Variants in IDE observed in about 807,000 individuals in gnomAD.
IDE encodes the protein insulin degrading enzyme.
A neutral mutation model predicts 133.2 loss-of-function variants in IDE; 58 were observed. The ratio of observed to expected loss-of-function variants is 0.44; its 90% CI spans 0.35 to 0.54. IDE has a LOEUF of 0.54. Among genes scored for constraint, IDE ranks in the 20% least tolerant of loss-of-function variants. The probability of loss-of-function intolerance (pLI) is 0.00; values close to 1 mark genes in which losing one functional copy is unlikely to be tolerated. For synonymous variants in IDE, 396 were observed against 421.3 expected (o/e 0.94, Z 0.73); for missense variants, 981 against 1,234.0 (o/e 0.79, Z 3.07).
At chr10:92,471,779 A>G (rs1378610402) in intron 17 of IDE, among the ~76,000 whole-genome samples, 1 of 152,034 alleles carries the variant, frequency 6.6e-6, no homozygotes, top group Non-Finnish European at 1.5e-5. Flanking sequence ...CAGTGGTGCA[A>G]CCTCCGCCTC....
chr10:92,458,507 T>TG (rs1434320375), intron 22 of IDE, among the ~76,000 whole-genome samples: 2 of 111,456 alleles, frequency 1.8e-5, no homozygotes, highest in African/African-American at 2.9e-5. Context: ...TTTTTTTTTT[T>TG]TTTTTTTTTT....
chr10:92,556,906 G>C (rs1483309550), intron 1 of IDE, among the ~76,000 whole-genome samples: 1 of 141,896 alleles, frequency 7.0e-6, no homozygotes, highest in Non-Finnish European at 1.5e-5. Context: ...CTGGGCTACA[G>C]AGTGAGACTC....
chr10:92,504,996 T>C lies in IDE; in HGVS notation c.1327-99A>G, dbSNP rs189432057. On this transcript the variant is annotated intron_variant, in intron 10 of 24. Coordinates refer to ENST00000265986, the MANE Select transcript of IDE (RefSeq NM_004969.4). ...ACATTAAATTCATTACTGTACACCC[T>C]TTCTCTCTTCAGTTAAATTTTACTC... 179 of 591,078 alleles carry C rather than the reference T, an allele frequency of 3.0e-4. No homozygotes were observed. In the East Asian group the frequency reaches 4.6e-3, roughly 15 times the overall value. 36.6% of individuals were successfully genotyped at this position (591,078 alleles called of 1,614,324 possible). A position where few individuals can be genotyped will look rare whatever the true frequency, so the allele number is the denominator to read the frequency against.
intron 17 of IDE, among the ~76,000 whole-genome samples, chr10:92,472,411 T>C (rs1846013442): frequency 6.6e-6 from 1 of 152,210 alleles, no homozygotes; most frequent in African/African-American, 2.4e-5. Flanking sequence ...TAATTGCATA[T>C]GACCATAATC....
chr10:92,509,212 G>A (rs1282759168), intron 6 of IDE, among the ~76,000 whole-genome samples: 1 of 152,230 alleles, frequency 6.6e-6, no homozygotes, highest in Non-Finnish European at 1.5e-5. Context: ...CTTTTAGCAT[G>A]TAAAGACCAG....
chr10:92,478,731 A>G (rs1370520700), intron 15 of IDE: 1 of 1,282,234 alleles, frequency 7.8e-7, no homozygotes, highest in African/African-American at 1.5e-5. Context: ...TCATCCTTCA[A>G]TAACCTGATA....
chr10:92,506,484 CTCTT>C lies in IDE; in HGVS notation c.1280_1283del (p.Lys427ArgfsTer19). ...TCTTAGATGTATAGCCCCGTGGCCT[CTCTT>C]TGTCTTTAAACCTAAAAGCAACAGC... On this transcript the variant is annotated frameshift_variant, in exon 10 of 25. Coordinates refer to ENST00000265986, the MANE Select transcript of IDE (RefSeq NM_004969.4). LOFTEE classifies it high-confidence loss of function. 6.3e-7 allele frequency: 1 copy of C among 1,598,204 alleles called. No homozygotes were observed.
rs772558670 is a variant in IDE, at chr10:92,510,107, G to A, written c.840C>T (p.Asn280=). Residue 280 remains asparagine, a synonymous_variant, in exon 6 of 25, where the codon AAC becomes AAT. Coordinates refer to ENST00000265986, the MANE Select transcript of IDE (RefSeq NM_004969.4). ...LVVKLFSEVE[N]KNVPLPEFPE... Reference sequence around the variant, plus strand: ...GAAATTCTGGCAATGGAACATTTTTGTTCTCTACTTCAGAAAATAACTTTA... The same window carrying A: ...GAAATTCTGGCAATGGAACATTTTTATTCTCTACTTCAGAAAATAACTTTA... The A allele has an allele frequency of 1.9e-6, 3 of 1,606,030 alleles. No individual in the cohort carries two copies. Among genetic ancestry groups the A allele is most frequent in the Admixed American group, 3.4e-5 (2 of 59,544 alleles).
chr10:92,475,539 G>A (rs1273493216), intron 16 of IDE, among the ~76,000 whole-genome samples: 1 of 152,128 alleles, frequency 6.6e-6, no homozygotes, highest in Non-Finnish European at 1.5e-5. Flanking sequence ...GCAGACCTCA[G>A]TCTGCTGAAT....
intron 1 of IDE, among the ~76,000 whole-genome samples, chr10:92,571,263 C>A (rs1192615139): frequency 6.6e-6 from 1 of 152,138 alleles, no homozygotes; most frequent in Admixed American, 6.6e-5. Flanking sequence ...ATCCCCCCGA[C>A]CTCGCCCTGT....
chr10:92,503,265 T>C (rs866849730), intron 11 of IDE, among the ~76,000 whole-genome samples: 2 of 152,116 alleles, frequency 1.3e-5, no homozygotes, highest in East Asian at 1.9e-4. Flanking sequence ...CCTATCTCTA[T>C]AAAAAATTGT....
intron 1 of IDE, among the ~76,000 whole-genome samples, chr10:92,551,825 G>A (rs532971961): frequency 6.6e-6 from 1 of 151,724 alleles, no homozygotes; most frequent in African/African-American, 2.4e-5. Flanking sequence ...TACTGCCACC[G>A]AACAATACAC....
chr10:92,459,747 C>A (rs489517), intron 22 of IDE, among the ~76,000 whole-genome samples: 151,027 of 151,804 alleles, frequency 0.99, 75,130 homozygotes, highest in Middle Eastern at 1. Context: ...ATTACACATT[C>A]ATATACCTAC....
At chr10:92,505,741 G>C (rs1848261447) in intron 10 of IDE, among the ~76,000 whole-genome samples, 1 of 152,206 alleles carries the variant, frequency 6.6e-6, no homozygotes, top group African/African-American at 2.4e-5. Context: ...GCCAGGCAAA[G>C]ATCAGATAGA....
rs71028827 is a variant in IDE at position 92,552,857 on chromosome 10, C to CAAAAAAAAAAAAAA, written c.99-15321_99-15308dup. Among the ~76,000 whole-genome samples, 36 of 49,370 alleles carry CAAAAAAAAAAAAAA rather than the reference C, an allele frequency of 7.3e-4. 2 individuals are homozygous for CAAAAAAAAAAAAAA. The highest frequency in any genetic ancestry group is 2.0e-3 in the African/African-American group (19 of 9,336). 32.4% of individuals were successfully genotyped at this position (49,370 alleles called of 152,430 possible). ...TGGGTGACAGAGTAAGACTCAGTCT[C>CAAAAAAAAAAAAAA]AAAAAAAAAAAAAAAAAAAAATTAT... is the stretch of plus-strand genomic sequence containing the variant. On this transcript the variant is annotated intron_variant, in intron 1 of 24. Transcript: ENST00000265986.
chr10:92,482,593 ATTAT>A (rs1846678433), intron 14 of IDE, among the ~76,000 whole-genome samples: 1 of 152,254 alleles, frequency 6.6e-6, no homozygotes, highest in African/African-American at 2.4e-5. Flanking sequence ...AACACCCCAA[ATTAT>A]TTATTCTTTC....
intron 5 of IDE, among the ~76,000 whole-genome samples, chr10:92,510,660 A>ACATACATCTCACATATATGATATATAT: frequency 6.6e-6 from 1 of 151,514 alleles, no homozygotes; most frequent in East Asian, 1.9e-4. Flanking sequence ...GATATATATC[A>ACATACATCTCACATATATGATATATAT]CATACATCTC....
intron 1 of IDE, among the ~76,000 whole-genome samples, chr10:92,568,098 C>CA (rs1843636816): frequency 6.6e-6 from 1 of 152,200 alleles, no homozygotes; most frequent in Non-Finnish European, 1.5e-5. Flanking sequence ...AGGGTGTTCT[C>CA]AGCAGAGGGA....
At chr10:92,487,170 T>G in intron 13 of IDE, 26 bp downstream of exon 13, 3 of 1,598,846 alleles carry the variant, frequency 1.9e-6, no homozygotes, top group Non-Finnish European at 2.6e-6. Context: ...CCCCCAAATT[T>G]AAAATCACTG....
Sources: gnomAD v4.1 joint callset for allele counts (sites outside exome capture counted in the v4.1 genomes callset) on GRCh38, gnomAD v4.1.1 for gene constraint, MANE v1.5 for transcripts, NCBI Gene and HGNC (gene_info 2026-07-23, HGNC 2026-07-21) for gene names.